Variants in GRIN2A observed in about 807,000 individuals in gnomAD.
GRIN2A encodes glutamate receptor ionotropic, NMDA 2A.
A neutral mutation model predicts 113.4 loss-of-function variants in GRIN2A; 22 were observed. The ratio of observed to expected loss-of-function variants is 0.19; its 90% CI spans 0.14 to 0.28. GRIN2A has a LOEUF of 0.28. Among genes scored for constraint, GRIN2A ranks in the 10% least tolerant of loss-of-function variants. The pLI, the probability that GRIN2A is intolerant of heterozygous loss-of-function variation, is 1.00. For missense variants in GRIN2A, 1,502 were observed against 1,887.0 expected, an observed-to-expected ratio of 0.80 and a Z score of 3.78; for synonymous variants, 827 against 738.4, an observed-to-expected ratio of 1.12 and a Z score of -1.94.
intron 4 of GRIN2A, among the ~76,000 whole-genome samples, chr16:9,889,503 A>G (rs2043650797): frequency 6.6e-6 from 1 of 151,572 alleles, no homozygotes; most frequent in Non-Finnish European, 1.5e-5. Context: ...CTTCTACTTC[A>G]TTTGTTCACT....
intron 4 of GRIN2A, among the ~76,000 whole-genome samples, chr16:9,871,028 A>G (rs372939305): frequency 1.3e-5 from 2 of 152,120 alleles, no homozygotes; most frequent in East Asian, 3.9e-4. Flanking sequence ...TTTTCTCCCA[A>G]TCAATCTGCT....
intron 2 of GRIN2A, among the ~76,000 whole-genome samples, chr16:9,953,336 T>C (rs1435141193): frequency 6.6e-6 from 1 of 152,168 alleles, no homozygotes; most frequent in Non-Finnish European, 1.5e-5. Flanking sequence ...TTCCTCACAA[T>C]TGTAGCTCCA....
chr16:10,124,925 C>CCA (rs2048903584), intron 2 of GRIN2A, among the ~76,000 whole-genome samples: 1 of 152,144 alleles, frequency 6.6e-6, no homozygotes, highest in Non-Finnish European at 1.5e-5. Context: ...TCATCGTCAA[C>CCA]CAGTGCAGAA....
At chr16:9,905,499 T>C (rs1353784695) in intron 3 of GRIN2A, among the ~76,000 whole-genome samples, 1 of 152,206 alleles carries the variant, frequency 6.6e-6, no homozygotes, top group Admixed American at 6.5e-5. Context: ...TTCATTTAAA[T>C]GTAAATGAAA....
At chr16:10,045,968 C>A (rs941796391) in intron 2 of GRIN2A, among the ~76,000 whole-genome samples, 2 of 152,222 alleles carry the variant, frequency 1.3e-5, no homozygotes, top group African/African-American at 4.8e-5. Context: ...TCCCTACATG[C>A]TGATATTAGT....
chr16:9,996,024 C>CAAAAAAAAAAAAAAAA (rs57133009), intron 2 of GRIN2A, among the ~76,000 whole-genome samples: 1 of 51,112 alleles, frequency 2.0e-5, no homozygotes, highest in African/African-American at 8.8e-5. Flanking sequence ...CAGAGGGTGG[C>CAAAAAAAAAAAAAAAA]AAAAAAAAAA....
Position 9,759,079 on chromosome 16 carries a change from T to G in GRIN2A, c.*4070A>C, listed in dbSNP as rs1900473030. 9.1e-6 allele frequency: 2 copies of G among 218,686 alleles called. No individual in the cohort carries two copies. The highest frequency in any genetic ancestry group is 4.5e-5 in the African/African-American group (2 of 44,588). 13.5% of individuals were successfully genotyped at this position (218,686 alleles called of 1,614,324 possible). Reference sequence around the variant, plus strand: ...TTTTCAAGGATTCATGCACAACAGCTATGCACAAAGAAACAGTACAGGAAT... The same window carrying G: ...TTTTCAAGGATTCATGCACAACAGCGATGCACAAAGAAACAGTACAGGAAT... On this transcript the variant is annotated 3_prime_UTR_variant, in exon 13 of 13. Coordinates refer to ENST00000330684, the MANE Select transcript of GRIN2A (RefSeq NM_001134407.3).
intron 2 of GRIN2A, among the ~76,000 whole-genome samples, chr16:10,137,584 C>T (rs1469382700): frequency 1.3e-5 from 2 of 152,206 alleles, no homozygotes; most frequent in Non-Finnish European, 2.9e-5. Flanking sequence ...TTCCCGTCAG[C>T]TGGCTGTATG....
chr16:9,898,649 A>T (rs1238541409), intron 3 of GRIN2A, among the ~76,000 whole-genome samples: 1 of 152,152 alleles, frequency 6.6e-6, no homozygotes, highest in Non-Finnish European at 1.5e-5. Flanking sequence ...TTCCTGGATC[A>T]CAGTGTCCCT....
intron 2 of GRIN2A, among the ~76,000 whole-genome samples, chr16:9,939,814 G>A (rs2044818306): frequency 6.6e-6 from 1 of 152,120 alleles, no homozygotes; most frequent in Non-Finnish European, 1.5e-5. Flanking sequence ...TGGACATGGT[G>A]CAAAAATGCC....
chr16:9,835,601 C>A (rs2042571921), intron 7 of GRIN2A, among the ~76,000 whole-genome samples: 1 of 152,126 alleles, frequency 6.6e-6, no homozygotes, highest in African/African-American at 2.4e-5. Flanking sequence ...GAACTTAAAA[C>A]CCTTTTCCTC....
In GRIN2A at chr16:9,834,217, G is replaced by A. The variant is rs1374007123; in HGVS notation, c.1665C>T (p.Ala555=). Reference sequence around the variant, plus strand: ...TCACAAACATCATCACCCAGACAGAGGCGCTGAATGGTTCTGCAAATAAAC... The same window carrying A: ...TCACAAACATCATCACCCAGACAGAAGCGCTGAATGGTTCTGCAAATAAAC... ...SPSAFLEPFS[A]SVWVMMFVML... The change falls in exon 8 of 13, where the codon GCC becomes GCT. Residue 555 remains alanine, a synonymous_variant. Coordinates refer to ENST00000330684, the MANE Select transcript of GRIN2A (RefSeq NM_001134407.3). The A allele has an allele frequency of 1.2e-6, 2 of 1,613,948 alleles. No homozygotes were observed. The highest frequency in any genetic ancestry group is 8.5e-7 in the Non-Finnish European group (1 of 1,179,908).
At chr16:10,120,121 A>G (rs11074592) in intron 2 of GRIN2A, among the ~76,000 whole-genome samples, 128,332 of 152,198 alleles carry the variant, frequency 0.84, 54,916 homozygotes, top group East Asian at 0.92. Flanking sequence ...GGGTTGATTG[A>G]TAATTCTGTT....
At chr16:9,852,697 G>A (rs983343105) in intron 4 of GRIN2A, among the ~76,000 whole-genome samples, 8 of 152,084 alleles carry the variant, frequency 5.3e-5, no homozygotes, top group Non-Finnish European at 7.3e-5. Flanking sequence ...TAGACCCTTC[G>A]GCACCCCACT....
At chr16:10,025,315 T>TGAGATGGGGTC (rs2046799826) in intron 2 of GRIN2A, among the ~76,000 whole-genome samples, 1 of 145,420 alleles carries the variant, frequency 6.9e-6, no homozygotes, top group Non-Finnish European at 1.5e-5. Context: ...TTTTTTTTTT[T>TGAGATGGGGTC]TTTTTGAGAT....
Position 10,180,174 on chromosome 16 carries a change from T to C in GRIN2A, c.238A>G (p.Lys80Glu), listed in dbSNP as rs546261105. 1.2e-6 allele frequency: 2 copies of C among 1,614,176 alleles called. No homozygotes were observed. Among genetic ancestry groups the C allele is most frequent in the South Asian group, 2.2e-5 (2 of 91,084 alleles). Residue 80 changes from lysine (K) to glutamate (E), a missense_variant, in exon 2 of 13, where the codon AAG becomes GAG. Around this residue, in one of 7 missense-constraint regions of GRIN2A, gnomAD observed 149 missense variants for 179.1 expected, o/e 0.83. Coordinates refer to ENST00000330684, the MANE Select transcript of GRIN2A (RefSeq NM_001134407.3). The surrounding 1 kb of genome is among the most constrained non-coding windows in gnomAD (Gnocchi z 7.0). Reference protein sequence around the residue: ...VALLMNRTDPKSLITHVCDLM... With the variant: ...VALLMNRTDPESLITHVCDLM... ...TCGCACACGTGCGTGATGAGGCTCT[T>C]GGGGTCGGTGCGGTTCATCAGCAGA...
intron 4 of GRIN2A, among the ~76,000 whole-genome samples, chr16:9,856,581 C>T (rs936576392): frequency 2.7e-5 from 4 of 147,986 alleles, no homozygotes; most frequent in Admixed American, 6.8e-5. Context: ...GCCGAGATCG[C>T]GCCACTGCAC....
chr16:10,060,282 A>G (rs748869769), intron 2 of GRIN2A, among the ~76,000 whole-genome samples: 4 of 152,198 alleles, frequency 2.6e-5, no homozygotes, highest in African/African-American at 4.8e-5. Context: ...AGGAAAATCA[A>G]TAGGTACTAG....
At chr16:9,986,040 G>C (rs55750638) in intron 2 of GRIN2A, among the ~76,000 whole-genome samples, 1 of 151,720 alleles carries the variant, frequency 6.6e-6, no homozygotes, top group Admixed American at 6.6e-5. Context: ...TAAATTCATA[G>C]GTACAATATG....
Sources: allele counts gnomAD v4.1 joint callset (sites outside exome capture counted in the v4.1 genomes callset), GRCh38; gene constraint gnomAD v4.1.1; regional missense constraint gnomAD v4.1.1; non-coding constraint Gnocchi (gnomAD v3.1); transcripts MANE v1.5; gene names NCBI Gene and HGNC (gene_info 2026-07-23, HGNC 2026-07-21).